CAPN5: variants seen among roughly 807,000 people sequenced by gnomAD.
The protein encoded by CAPN5 is calpain 5, also known as calpain-5.
In CAPN5, 54 loss-of-function variants were observed where a neutral mutation model predicts 73.0. The observed-to-expected ratio is 0.74, with a 90% CI of 0.59 to 0.93. CAPN5 has a LOEUF of 0.93. Ranked by LOEUF, CAPN5 falls within the 40% of genes least tolerant of loss-of-function variation. CAPN5 has a pLI of 0.00. For synonymous variants in CAPN5, 335 were observed against 356.9 expected, an observed-to-expected ratio of 0.94 and a Z score of 0.69; for missense variants, 785 against 882.9, an observed-to-expected ratio of 0.89 and a Z score of 1.41.
rs782006156 is a variant in CAPN5 at position 77,116,309 on chromosome 11, T to A, written c.971+6T>A. 6.2e-7 allele frequency: 1 copy of A among 1,611,442 alleles called. No homozygotes were observed. The highest frequency in any genetic ancestry group is 8.5e-7 in the Non-Finnish European group (1 of 1,178,592). ...CAGGACGACGGTGAGTTCTGGTGAG[T>A]GTGTATGTGCCCTGGGCGTCCGGGG... On this transcript the variant is annotated splice_donor_region_variant and intron_variant, in intron 7 of 12. Coordinates refer to ENST00000648180, the MANE Select transcript of CAPN5 (RefSeq NM_004055.5).
Position 77,118,193 on chromosome 11 carries a change from C to T in CAPN5, c.1008C>T (p.Asp336=). 2 of 1,613,986 alleles carry T rather than the reference C, an allele frequency of 1.2e-6. No individual in the cohort carries two copies. Among genetic ancestry groups the T allele is most frequent in the Non-Finnish European group, 1.7e-6 (2 of 1,179,944 alleles). The change falls in exon 8 of 13, where the codon GAC becomes GAT. Residue 336 remains aspartate, a synonymous_variant. Transcript: ENST00000648180. The part of the protein sequence containing the change: ...TFEDVCRYFT[D]IIKCRVINTS... ...AGGACGTGTGCCGGTACTTCACGGACATCATCAAGTGCCGCGTGATCAACA... is the reference window on the plus strand; with the variant it reads ...AGGACGTGTGCCGGTACTTCACGGATATCATCAAGTGCCGCGTGATCAACA...
rs1331888998 is a variant in CAPN5, at chr11:77,118,535, C to G, written c.1167+183C>G. 2.0e-5 allele frequency among the ~76,000 whole-genome samples: 3 copies of G among 152,220 alleles called. No individual in the cohort carries two copies. In the East Asian group the frequency reaches 5.8e-4, roughly 29 times the overall value. The stretch of plus-strand genomic sequence containing the variant: ...TCCCATCTGGGGGTCATGAAGCCCC[C>G]AGCCTCACAATCTAACCTGCAGATG... On this transcript the variant is annotated intron_variant, in intron 8 of 12. Transcript: ENST00000648180.
chr11:77,092,490 G>C (rs1435716510), intron 2 of CAPN5, among the ~76,000 whole-genome samples: 5 of 152,228 alleles, frequency 3.3e-5, no homozygotes, highest in African/African-American at 9.6e-5. Context: ...GAGGGCACCT[G>C]GTACTGGAGC....
chr11:77,093,588 GTGTCTGTCACGT>G (rs1950175044), intron 2 of CAPN5, 82 bp from the exon 3 acceptor site: 3 of 766,628 alleles, frequency 3.9e-6, no homozygotes, highest in Admixed American at 3.1e-5. Flanking sequence ...CAGCAAGTCT[GTGTCTGTCACGT>G]CTGTGTCTGT....
At position 77,086,188 on chromosome 11, in the gene CAPN5, T is replaced by A. The variant is rs572260295; in HGVS notation, c.165+1137T>A. The stretch of plus-strand genomic sequence containing the variant: ...GAAGGCAAAGGCTTTCAGCAGCCTG[T>A]AACAGGGTCAGATTTGCATTTTCCA... On this transcript the variant is annotated intron_variant, in intron 2 of 12. Transcript: ENST00000648180. Among the ~76,000 whole-genome samples, 4 of 152,308 alleles carry A rather than the reference T, an allele frequency of 2.6e-5. No homozygotes were observed. The South Asian group carries it at 6.2e-4, about 24-fold the overall frequency.
chr11:77,105,039 G>C (rs1461264296), intron 3 of CAPN5, among the ~76,000 whole-genome samples: 9 of 151,966 alleles, frequency 5.9e-5, no homozygotes, highest in African/African-American at 2.2e-4. Context: ...CTGAGCACGA[G>C]GGGAGGCCAG....
intron 1 of CAPN5, among the ~76,000 whole-genome samples, chr11:77,084,053 G>A (rs1384261596): frequency 6.6e-6 from 1 of 152,198 alleles, no homozygotes; most frequent in Non-Finnish European, 1.5e-5. Flanking sequence ...CATAAATGGG[G>A]TGGTCACTCA....
intron 3 of CAPN5, among the ~76,000 whole-genome samples, chr11:77,106,025 A>G (rs1265984868): frequency 3.3e-5 from 5 of 152,020 alleles, no homozygotes; most frequent in Non-Finnish European, 7.4e-5. Context: ...GGCCCCACCC[A>G]CCTGAGAACC....
intron 2 of CAPN5, 110 bp downstream of exon 2, chr11:77,085,161 TGC>T: frequency 1.1e-6 from 1 of 937,396 alleles, no homozygotes; most frequent in East Asian, 2.6e-5. Flanking sequence ...GGCCCCAGGC[TGC>T]TGAGAAAGTG....
intron 3 of CAPN5, chr11:77,102,720 G>A: frequency 8.3e-7 from 1 of 1,211,880 alleles, no homozygotes; most frequent in Non-Finnish European, 1.1e-6. Flanking sequence ...AGTGGCAAAG[G>A]GAGGGGAAGA....
chr11:77,116,439 A>C, intron 7 of CAPN5, 136 bp downstream of exon 7: 1 of 704,796 alleles, frequency 1.4e-6, no homozygotes. Context: ...GCCTTGGACA[A>C]GTCACACCAT....
At chr11:77,113,055 C>T (rs1950428216) in intron 4 of CAPN5, 4 of 574,048 alleles carry the variant, frequency 7.0e-6, no homozygotes, top group Admixed American at 3.0e-5. Flanking sequence ...GCCCAGGCAA[C>T]ATCCTGTAGG....
rs1323877204 is a variant in CAPN5, at chr11:77,116,261, G to A, written c.929G>A (p.Arg310Gln). 1.9e-6 allele frequency: 3 copies of A among 1,613,578 alleles called. No homozygotes were observed. The highest frequency in any genetic ancestry group is 1.3e-5 in the African/African-American group (1 of 74,916). Reference sequence around the variant, plus strand: ...TGGCAGAAAGTGAGCAAGAGTGAGCGGGAGAAGATGGGTGTGACCGTGCAG... The same window carrying A: ...TGGCAGAAAGTGAGCAAGAGTGAGCAGGAGAAGATGGGTGTGACCGTGCAG... ...EEWQKVSKSEREKMGVTVQDD... is the reference protein window; with the variant it reads ...EEWQKVSKSEQEKMGVTVQDD... The change falls in exon 7 of 13, where the codon CGG becomes CAG. Residue 310 changes from arginine (R) to glutamine (Q), a missense_variant. Transcript: ENST00000648180.
chr11:77,098,111 A>C (rs1254428334), intron 3 of CAPN5, among the ~76,000 whole-genome samples: 1 of 49,404 alleles, frequency 2.0e-5, no homozygotes, highest in Non-Finnish European at 3.6e-5. Flanking sequence ...TGACCCCCCC[A>C]CCTCCCTCCC....
intron 3 of CAPN5, among the ~76,000 whole-genome samples, chr11:77,095,452 G>A (rs899931211): frequency 6.6e-6 from 1 of 152,196 alleles, no homozygotes; most frequent in Non-Finnish European, 1.5e-5. Flanking sequence ...CCTCCCCCGT[G>A]AGGTGAGCTC....
chr11:77,116,326 C>T (rs376987414), intron 7 of CAPN5, 23 bp downstream of exon 7: 19 of 1,598,440 alleles, frequency 1.2e-5, no homozygotes, highest in African/African-American at 6.7e-5. Flanking sequence ...GTGCCCTGGG[C>T]GTCCGGGGCT....
rs1164844966 is a variant in CAPN5, at chr11:77,125,084, T to A, written c.*1214T>A. 3 of 152,406 alleles carry A rather than the reference T, an allele frequency of 2.0e-5. No individual in the cohort carries two copies. The highest frequency in any genetic ancestry group is 7.2e-5 in the African/African-American group (3 of 41,472). The allele number at this position is 152,406 out of a possible 1,614,324, so 9.4% of individuals were successfully genotyped here. ...CTTGGCTCCAGTTTTGCTGGTCCTC[T>A]GGAGAACTCTTCGTGAGCACTGGTG... is the stretch of plus-strand genomic sequence containing the variant. On this transcript the variant is annotated 3_prime_UTR_variant, in exon 13 of 13. Transcript: ENST00000648180.
At chr11:77,072,393 C>T (rs1949917641) in intron 1 of CAPN5, among the ~76,000 whole-genome samples, 1 of 152,218 alleles carries the variant, frequency 6.6e-6, no homozygotes, top group Non-Finnish European at 1.5e-5. Context: ...CTGCCTCTCG[C>T]CTTCACCAGG....
In CAPN5 at chr11:77,122,565, C is replaced by T. The variant is rs782661199; in HGVS notation, c.1604-11C>T. 1.9e-6 allele frequency: 3 copies of T among 1,598,738 alleles called. No homozygotes were observed. The highest frequency in any genetic ancestry group is 2.6e-6 in the Non-Finnish European group (3 of 1,171,714). Reference sequence around the variant, plus strand: ...CCCACCCTCACCCCATCTCCCACTCCCTCTCCCTAGGGGCTAACTCTTATG... The same window carrying T: ...CCCACCCTCACCCCATCTCCCACTCTCTCTCCCTAGGGGCTAACTCTTATG... On this transcript the variant is annotated splice_polypyrimidine_tract_variant and intron_variant, in intron 11 of 12. Transcript: ENST00000648180.
Sources: gnomAD v4.1 joint callset for allele counts (sites outside exome capture counted in the v4.1 genomes callset) on GRCh38, gnomAD v4.1.1 for gene constraint, MANE v1.5 for transcripts, NCBI Gene and HGNC (gene_info 2026-07-23, HGNC 2026-07-21) for gene names.